Variants in MAPK10 observed in about 807,000 individuals in gnomAD.
MAPK10 encodes the protein mitogen-activated protein kinase 10.
A neutral mutation model predicts 59.3 loss-of-function variants in MAPK10; 25 were observed. The observed-to-expected ratio is 0.42, with a 90% CI of 0.31 to 0.59. The LOEUF is 0.59. MAPK10 is among the 20% of genes least tolerant of loss of function. The pLI is 0.15. For missense variants in MAPK10, 351 were observed against 568.9 expected (o/e 0.62, Z 3.90); for synonymous variants, 190 against 200.5 (o/e 0.95, Z 0.44).
chr4:86,125,756 T>A (rs1177172714), intron 4 of MAPK10: 1 of 152,152 alleles, frequency 6.6e-6, no homozygotes, highest in Admixed American at 6.6e-5. Context: ...CTGGATGATG[T>A]TGGAGTTAGC....
chr4:86,303,698 T>A (rs1219304507), intron 2 of MAPK10, among the ~76,000 whole-genome samples: 5 of 152,182 alleles, frequency 3.3e-5, no homozygotes, highest in South Asian at 2.1e-4. Context: ...TACTAAAAAA[T>A]AATTTTCAAA....
rs759360278 is a variant in MAPK10 at position 86,101,071 on chromosome 4, C to A, written c.711G>T (p.Gly237=). The A allele has an allele frequency of 6.2e-7, 1 of 1,613,688 alleles. No homozygotes were observed. Among genetic ancestry groups the A allele is most frequent in the Non-Finnish European group, 8.5e-7 (1 of 1,179,814 alleles). Residue 237 remains glycine, a synonymous_variant, in exon 8 of 14, where the codon GGG becomes GGT. Coordinates refer to ENST00000641462, the MANE Select transcript of MAPK10 (RefSeq NM_138982.4). ...CCCTACCGTTCTCCTTGTAGCCCATCCCCAGGATGACCTCAGGGGCTCTGT... is the reference window on the plus strand; with the variant it reads ...CCCTACCGTTCTCCTTGTAGCCCATACCCAGGATGACCTCAGGGGCTCTGT... ...RYYRAPEVIL[G]MGYKENVDIW...
chr4:86,166,306 T>C (rs778743661), intron 3 of MAPK10, among the ~76,000 whole-genome samples: 1 of 152,248 alleles, frequency 6.6e-6, no homozygotes, highest in Non-Finnish European at 1.5e-5. Context: ...TTCTTTATAA[T>C]ATTAGCCCTT....
chr4:86,079,849 G>T (rs2050266397), intron 9 of MAPK10: 2 of 152,014 alleles, frequency 1.3e-5, no homozygotes, highest in Admixed American at 6.6e-5. Context: ...AAGAAAACCT[G>T]CCACTTAAAG....
chr4:86,589,725 T>C (rs1762891068), intron 1 of MAPK10, among the ~76,000 whole-genome samples: 1 of 151,064 alleles, frequency 6.6e-6, no homozygotes, highest in Admixed American at 6.6e-5. Context: ...AATCTAGCAA[T>C]TTTACTTCTA....
At chr4:86,041,563 A>C (rs1192412145) in intron 11 of MAPK10, among the ~76,000 whole-genome samples, 2 of 152,204 alleles carry the variant, frequency 1.3e-5, no homozygotes, top group Non-Finnish European at 2.9e-5. Context: ...AAAGGGAGAA[A>C]ATTTTTGCAA....
intron 1 of MAPK10, among the ~76,000 whole-genome samples, chr4:86,550,032 C>T (rs1578086311): frequency 6.6e-6 from 1 of 152,014 alleles, no homozygotes; most frequent in Non-Finnish European, 1.5e-5. Context: ...TTCAAGTAAC[C>T]ATGACTTCCA....
intron 1 of MAPK10, among the ~76,000 whole-genome samples, chr4:86,425,375 A>G (rs746193115): frequency 2.0e-5 from 3 of 152,176 alleles, no homozygotes; most frequent in Non-Finnish European, 4.4e-5. Context: ...AAACATATAA[A>G]AGATATGACA....
chr4:86,032,772 T>C (rs949973714), intron 11 of MAPK10, among the ~76,000 whole-genome samples: 1 of 152,168 alleles, frequency 6.6e-6, no homozygotes, highest in African/African-American at 2.4e-5. Flanking sequence ...TATCTGGCTA[T>C]GAAAATAGAA....
At chr4:86,055,087 G>A (rs1446080781) in intron 11 of MAPK10, among the ~76,000 whole-genome samples, 1 of 152,116 alleles carries the variant, frequency 6.6e-6, no homozygotes, top group African/African-American at 2.4e-5. Context: ...TCTACTTCCA[G>A]GAAACAAAAG....
chr4:86,480,398 C>G (rs915558220), intron 1 of MAPK10, among the ~76,000 whole-genome samples: 1 of 151,858 alleles, frequency 6.6e-6, no homozygotes, highest in African/African-American at 2.4e-5. Context: ...ATAAAATGAC[C>G]CCACCCCTAT....
At chr4:86,435,820 A>C (rs1254117753) in intron 1 of MAPK10, among the ~76,000 whole-genome samples, 1 of 152,184 alleles carries the variant, frequency 6.6e-6, no homozygotes, top group African/African-American at 2.4e-5. Context: ...TTTGGCTGTA[A>C]TCTTACTTAT....
intron 4 of MAPK10, among the ~76,000 whole-genome samples, chr4:86,116,501 T>C (rs1260655908): frequency 6.6e-6 from 1 of 152,220 alleles, no homozygotes; most frequent in Non-Finnish European, 1.5e-5. Context: ...GTAGTGAGGA[T>C]TGTCAGTGTA....
chr4:86,058,500 C>T (rs559997809), intron 11 of MAPK10, among the ~76,000 whole-genome samples: 2 of 149,324 alleles, frequency 1.3e-5, no homozygotes, highest in Admixed American at 1.3e-4. Flanking sequence ...TTTCTCCCCA[C>T]CCTTTTCTCT....
rs1741367322 is a variant in MAPK10, at chr4:86,010,740, A to G, written c.*6488T>C. ...AATTGATTTTTTGGTATAATTGTTC[A>G]TAGGCAATATTTTCACCAGGATGGG... On this transcript the variant is annotated 3_prime_UTR_variant, in exon 14 of 14. Coordinates refer to ENST00000641462, the MANE Select transcript of MAPK10 (RefSeq NM_138982.4). 1 of 152,228 alleles carries G rather than the reference A, an allele frequency of 6.6e-6. No homozygotes were observed. Among genetic ancestry groups the G allele is most frequent in the Admixed American group, 6.5e-5 (1 of 15,280 alleles). The allele number at this position is 152,228 out of a possible 1,614,324, so 9.4% of individuals were successfully genotyped here.
In MAPK10 at chr4:86,162,879, G is replaced by A. The variant is rs2070296877; in HGVS notation, c.67-3412C>T. ...ATGAGTGTGCATCTCAACCACCTGG[G>A]GATGCACACTGGAGAAACAGGGCTT... On this transcript the variant is annotated intron_variant, in intron 3 of 13. Transcript: ENST00000641462. Among the ~76,000 whole-genome samples, 3 of 152,112 alleles carry A rather than the reference G, an allele frequency of 2.0e-5. No homozygotes were observed. The South Asian group carries it at 6.2e-4, about 32-fold the overall frequency.
At chr4:86,589,939 G>A (rs1008468876) in intron 1 of MAPK10, among the ~76,000 whole-genome samples, 7 of 150,072 alleles carry the variant, frequency 4.7e-5, no homozygotes, top group South Asian at 2.1e-4. Flanking sequence ...AGCCGAGATC[G>A]CGCCACTGCA....
chr4:86,417,436 T>C (rs1329920637), intron 1 of MAPK10, among the ~76,000 whole-genome samples: 7 of 152,232 alleles, frequency 4.6e-5, no homozygotes, highest in African/African-American at 1.7e-4. Context: ...GCCACAAATA[T>C]AGACCATTTT....
At chr4:86,356,354 G>A (rs997146082) in intron 1 of MAPK10, 2 of 175,320 alleles carry the variant, frequency 1.1e-5, no homozygotes, top group Admixed American at 6.5e-5. Flanking sequence ...GGCTTGATAT[G>A]GATCCAAAAC....
Sources: allele counts gnomAD v4.1 joint callset (sites outside exome capture counted in the v4.1 genomes callset), GRCh38; gene constraint gnomAD v4.1.1; transcripts MANE v1.5; gene names NCBI Gene and HGNC (gene_info 2026-07-23, HGNC 2026-07-21).